CA10: variants seen among roughly 807,000 people sequenced by gnomAD.
CA10 encodes the protein carbonic anhydrase 10 (inactive), also known as carbonic anhydrase-related protein 10.
CA10 carries 14 observed loss-of-function variants against 44.2 expected under a neutral mutation model. That is an observed-to-expected ratio of 0.32 (90% CI 0.21 to 0.50). CA10 has a LOEUF of 0.50. CA10 is among the 20% of genes least tolerant of loss of function. The pLI, the probability that CA10 is intolerant of heterozygous loss-of-function variation, is 0.99. For synonymous variants in CA10, 159 were observed against 141.6 expected (o/e 1.12, Z -0.87); for missense variants, 350 against 409.7 (o/e 0.85, Z 1.26).
At chr17:51,971,693 T>C (rs933474348) in intron 2 of CA10, among the ~76,000 whole-genome samples, 1 of 152,080 alleles carries the variant, frequency 6.6e-6, no homozygotes, top group Admixed American at 6.6e-5. Context: ...TAATGCATTT[T>C]TGAGCTTTCC....
intron 3 of CA10, among the ~76,000 whole-genome samples, chr17:51,780,983 G>A (rs756531237): frequency 2.0e-5 from 3 of 152,150 alleles, no homozygotes; most frequent in Non-Finnish European, 4.4e-5. Context: ...GAGGCAGAGA[G>A]CCATATTTGG....
chr17:52,068,377 G>A (rs1567722560), intron 2 of CA10, among the ~76,000 whole-genome samples: 1 of 152,196 alleles, frequency 6.6e-6, no homozygotes, highest in African/African-American at 2.4e-5. Flanking sequence ...ATACTTAACT[G>A]TGAGTCAATT....
intron 1 of CA10, among the ~76,000 whole-genome samples, chr17:52,146,000 A>G (rs1989574723): frequency 1.3e-5 from 2 of 152,256 alleles, no homozygotes; most frequent in Non-Finnish European, 2.9e-5. Context: ...AAAGTTAAAT[A>G]TAAATAATGC....
At chr17:51,754,782 C>T (rs1334915039) in intron 3 of CA10, among the ~76,000 whole-genome samples, 1 of 152,116 alleles carries the variant, frequency 6.6e-6, no homozygotes, top group East Asian at 1.9e-4. Context: ...GTTAACACAT[C>T]AATTAACCAC....
intron 2 of CA10, among the ~76,000 whole-genome samples, chr17:52,057,582 T>C (rs1334068597): frequency 6.6e-6 from 1 of 152,076 alleles, no homozygotes; most frequent in Non-Finnish European, 1.5e-5. Flanking sequence ...GTCAAAGTTA[T>C]ACATGGATTT....
rs531495289 is a variant in CA10 at position 51,909,926 on chromosome 17, T to C, written c.279+21064A>G. On this transcript the variant is annotated intron_variant, in intron 3 of 8. Transcript: ENST00000451037. ...TTTAAACTACTGCAAGTTCTTCCAC[T>C]CTGTAATTGGAAAAATTTTTCGCTT... 2.0e-5 allele frequency among the ~76,000 whole-genome samples: 3 copies of C among 152,256 alleles called. No homozygotes were observed. In the South Asian group the frequency reaches 6.2e-4, roughly 32 times the overall value.
chr17:51,797,403 G>A (rs1236121573), intron 3 of CA10, among the ~76,000 whole-genome samples: 1 of 152,136 alleles, frequency 6.6e-6, no homozygotes, highest in African/African-American at 2.4e-5. Context: ...AACTCATGAG[G>A]TGACCTGACC....
intron 1 of CA10, among the ~76,000 whole-genome samples, chr17:52,104,229 G>C (rs970604996): frequency 6.7e-6 from 1 of 149,848 alleles, no homozygotes; most frequent in African/African-American, 2.5e-5. Context: ...TCTGGTTCTG[G>C]CTCTGTCACC....
chr17:52,123,011 A>G (rs1261528519), intron 1 of CA10, among the ~76,000 whole-genome samples: 1 of 152,122 alleles, frequency 6.6e-6, no homozygotes, highest in Non-Finnish European at 1.5e-5. Flanking sequence ...TCCACCATTT[A>G]ATAGGCCAAG....
chr17:51,648,596 T>C (rs1913432012), intron 6 of CA10, among the ~76,000 whole-genome samples: 1 of 152,218 alleles, frequency 6.6e-6, no homozygotes, highest in South Asian at 2.1e-4. Context: ...AGCATCTTTT[T>C]CCTTCCTCCT....
chr17:52,137,184 A>G (rs1166172691), intron 1 of CA10, among the ~76,000 whole-genome samples: 2 of 152,108 alleles, frequency 1.3e-5, no homozygotes, highest in Non-Finnish European at 2.9e-5. Context: ...CCAAAAGTCA[A>G]ATAACAGGAA....
At chr17:52,093,146 A>C (rs149017715) in intron 1 of CA10, among the ~76,000 whole-genome samples, 1 of 151,960 alleles carries the variant, frequency 6.6e-6, no homozygotes, top group Non-Finnish European at 1.5e-5. Flanking sequence ...GTGTAGATAC[A>C]TATGTACACA....
At chr17:51,861,143 G>A (rs938235655) in intron 3 of CA10, among the ~76,000 whole-genome samples, 2 of 152,106 alleles carry the variant, frequency 1.3e-5, no homozygotes, top group African/African-American at 4.8e-5. Flanking sequence ...CTGCCAGTAG[G>A]GGGTGCTAAA....
intron 3 of CA10, among the ~76,000 whole-genome samples, chr17:51,766,238 C>T (rs1905375883): frequency 6.6e-6 from 1 of 152,106 alleles, no homozygotes; most frequent in Admixed American, 6.5e-5. Flanking sequence ...TTGCTTGATT[C>T]TATAATCTGC....
rs549339410 is a variant in CA10, at chr17:51,824,127, T to C, written c.280-76309A>G. On this transcript the variant is annotated intron_variant, in intron 3 of 8. Transcript: ENST00000451037. ...GCCTATGCCTCAATAACATAATAGG[T>C]GCTCAATAAATATTTGTTGGTAGAT... 4.1e-4 allele frequency among the ~76,000 whole-genome samples: 63 copies of C among 152,332 alleles called. 1 individual carries two copies. Among genetic ancestry groups the C allele is most frequent in the African/African-American group, 1.5e-3 (62 of 41,572 alleles).
chr17:52,071,359 C>T (rs777365429), intron 2 of CA10, among the ~76,000 whole-genome samples: 9 of 152,166 alleles, frequency 5.9e-5, no homozygotes, highest in Non-Finnish European at 1.2e-4. Flanking sequence ...TTATAATTGC[C>T]CCATCATACA....
chr17:51,664,353 T>C (rs2143323840), intron 4 of CA10, among the ~76,000 whole-genome samples: 1 of 152,242 alleles, frequency 6.6e-6, no homozygotes, highest in Middle Eastern at 3.4e-3. Context: ...AAATAATTTA[T>C]TACAATCAAG....
chr17:52,098,516 C>A (rs1988459175), intron 1 of CA10, among the ~76,000 whole-genome samples: 1 of 152,242 alleles, frequency 6.6e-6, no homozygotes, highest in African/African-American at 2.4e-5. Context: ...AATCAGTTAT[C>A]TGACAACAGT....
At chr17:51,983,136 G>T (rs1360036386) in intron 2 of CA10, among the ~76,000 whole-genome samples, 1 of 149,776 alleles carries the variant, frequency 6.7e-6, no homozygotes, top group African/African-American at 2.5e-5. Flanking sequence ...TTTTATATTT[G>T]GTCACCCTTA....
Sources: allele counts gnomAD v4.1 joint callset (sites outside exome capture counted in the v4.1 genomes callset), GRCh38; gene constraint gnomAD v4.1.1; transcripts MANE v1.5; gene names NCBI Gene and HGNC (gene_info 2026-07-23, HGNC 2026-07-21).